The following UGT1A10 variants were observed in gnomAD, a reference collection of about 807,000 sequenced individuals.
The protein encoded by UGT1A10 is UDP glucuronosyltransferase family 1 member A10.
In UGT1A10, 49 loss-of-function variants were observed where a neutral mutation model predicts 45.8. The observed-to-expected ratio is 1.07, with a 90% CI of 0.85 to 1.36. The LOEUF is 1.36. Among genes scored for constraint, UGT1A10 ranks in the 40% most tolerant of loss-of-function variants. The pLI is 0.00. For missense variants in UGT1A10, 745 were observed against 668.6 expected (o/e 1.11, Z -1.26); for synonymous variants, 284 against 249.7 (o/e 1.14, Z -1.29).
chr2:233,704,415 CA>C lies in UGT1A10; in HGVS notation c.856-62617del, dbSNP rs1201180992. On this transcript the variant is annotated intron_variant, in intron 1 of 4. Transcript: ENST00000344644. Reference sequence around the variant, plus strand: ...ACCAGTATCTACTTCAGATTTATACCAACTTAATTCCAGTTAAATATTGAAA... The same window carrying C: ...ACCAGTATCTACTTCAGATTTATACCACTTAATTCCAGTTAAATATTGAAA... Among the ~76,000 whole-genome samples the C allele has an allele frequency of 2.0e-5, 3 of 152,056 alleles. No homozygotes were observed. The East Asian group carries it at 5.8e-4, about 29-fold the overall frequency.
In UGT1A10 at chr2:233,637,237, G is replaced by A. The variant is rs896109680; in HGVS notation, c.715G>A (p.Val239Ile). 3 of 1,613,778 alleles carry A rather than the reference G, an allele frequency of 1.9e-6. No individual in the cohort carries two copies. Among genetic ancestry groups the A allele is most frequent in the Non-Finnish European group, 2.5e-6 (3 of 1,179,872 alleles). The change falls in exon 1 of 5, where the codon GTC (valine) becomes ATC (isoleucine). Residue 239 changes from valine to isoleucine, a missense_variant. Physicochemically the swap from Val to Ile is conservative, Grantham distance 29 (BLOSUM62 3). Coordinates refer to ENST00000344644, the MANE Select transcript of UGT1A10 (RefSeq NM_019075.4). ...EIASEILQTP[V>I]TAYDLYSHTS... Reference sequence around the variant, plus strand: ...AGCCTCTGAAATTCTCCAAACCCCTGTCACGGCATATGATCTCTACAGTCA... The same window carrying A: ...AGCCTCTGAAATTCTCCAAACCCCTATCACGGCATATGATCTCTACAGTCA...
intron 1 of UGT1A10, among the ~76,000 whole-genome samples, chr2:233,637,825 T>C (rs1306318570): frequency 1.3e-5 from 2 of 152,186 alleles, no homozygotes; most frequent in Admixed American, 1.3e-4. Flanking sequence ...GCTGAACATA[T>C]TCTTCTTTAT....
At position 233,647,941 on chromosome 2, in the gene UGT1A10, A is replaced by G. The variant is rs979913567; in HGVS notation, c.855+10564A>G. 1.9e-5 allele frequency: 30 copies of G among 1,605,446 alleles called. No homozygotes were observed. The African/African-American group carries it at 3.5e-4, about 19-fold the overall frequency. On this transcript the variant is annotated intron_variant, in intron 1 of 4. Transcript: ENST00000344644. ...AGATCACTCACTGCCCATGGATGGG[A>G]GCCACTGGTTCACCATGTGGTCGGT... is the stretch of plus-strand genomic sequence containing the variant.
At chr2:233,731,107 A>G (rs1222432137) in intron 1 of UGT1A10, among the ~76,000 whole-genome samples, 2 of 151,962 alleles carry the variant, frequency 1.3e-5, no homozygotes, top group Admixed American at 6.6e-5. Flanking sequence ...CTTTTTTATA[A>G]ATGTAGGTAT....
chr2:233,683,335 T>C (rs775129300), intron 1 of UGT1A10, among the ~76,000 whole-genome samples: 3 of 152,166 alleles, frequency 2.0e-5, no homozygotes, highest in Non-Finnish European at 2.9e-5. Flanking sequence ...TTTTAATAAT[T>C]GCATGGTAGT....
intron 1 of UGT1A10, among the ~76,000 whole-genome samples, chr2:233,676,331 A>G (rs1352144662): frequency 6.6e-6 from 1 of 152,202 alleles, no homozygotes; most frequent in Non-Finnish European, 1.5e-5. Flanking sequence ...TTTTCTTACA[A>G]ATACTTCATT....
chr2:233,739,008 T>C (rs1430369611), intron 1 of UGT1A10: 2 of 152,268 alleles, frequency 1.3e-5, no homozygotes, highest in Admixed American at 6.5e-5. Context: ...TGTGTCCCAG[T>C]GGCTCCAGCC....
chr2:233,734,069 C>T (rs2078473996), intron 1 of UGT1A10, among the ~76,000 whole-genome samples: 1 of 152,054 alleles, frequency 6.6e-6, no homozygotes, highest in South Asian at 2.1e-4. Context: ...AACAAACCTG[C>T]ACATTGTGCA....
rs777889736 is a variant in UGT1A10, at chr2:233,719,093, C to T, written c.856-47941C>T. On this transcript the variant is annotated intron_variant, in intron 1 of 4. Transcript: ENST00000344644. ...CATGGACCCAGAAGGAATTTGATCGCGTTACGCTGGGCTACACTCAAGGGT... is the reference window on the plus strand; with the variant it reads ...CATGGACCCAGAAGGAATTTGATCGTGTTACGCTGGGCTACACTCAAGGGT... 15 of 1,614,122 alleles carry T rather than the reference C, an allele frequency of 9.3e-6. No homozygotes were observed. The Admixed American group carries it at 1.0e-4, about 11-fold the overall frequency.
intron 4 of UGT1A10, 43 bp from the exon 5 acceptor site, chr2:233,772,219 A>G (rs1474444531): frequency 6.2e-7 from 1 of 1,612,704 alleles, no homozygotes; most frequent in East Asian, 2.2e-5. Context: ...GATTGTTCAT[A>G]CCACAGGTGT....
intron 1 of UGT1A10, among the ~76,000 whole-genome samples, chr2:233,677,758 A>G (rs2074398846): frequency 6.6e-6 from 1 of 152,146 alleles, no homozygotes; most frequent in South Asian, 2.1e-4. Flanking sequence ...CCCCTGTGGG[A>G]AGTAGTTTGG....
chr2:233,656,326 A>G (rs547285897), intron 1 of UGT1A10, among the ~76,000 whole-genome samples: 119 of 152,372 alleles, frequency 7.8e-4, no homozygotes, highest in African/African-American at 2.8e-3. Flanking sequence ...CCAGTCTGTG[A>G]TCACCAGTCA....
intron 1 of UGT1A10, chr2:233,672,492 T>C: frequency 6.2e-7 from 1 of 1,613,986 alleles, no homozygotes; most frequent in South Asian, 1.1e-5. Flanking sequence ...GCCCTGCTCC[T>C]CTTTCCTATG....
At chr2:233,746,132 G>A (rs998349575) in intron 1 of UGT1A10, among the ~76,000 whole-genome samples, 1 of 151,792 alleles carries the variant, frequency 6.6e-6, no homozygotes, top group African/African-American at 2.4e-5. Flanking sequence ...CTGTGGACTG[G>A]CACCTGAGTG....
chr2:233,735,127 C>T (rs965773877), intron 1 of UGT1A10, among the ~76,000 whole-genome samples: 26 of 152,130 alleles, frequency 1.7e-4, no homozygotes, highest in Non-Finnish European at 2.9e-5. Flanking sequence ...TAAAGTCTCT[C>T]ATTATTATTG....
chr2:233,685,495 G>T (rs997076638), intron 1 of UGT1A10, among the ~76,000 whole-genome samples: 4 of 152,164 alleles, frequency 2.6e-5, no homozygotes, highest in African/African-American at 9.7e-5. Context: ...CTGGGATGTG[G>T]TTACAGCAAG....
intron 1 of UGT1A10, among the ~76,000 whole-genome samples, chr2:233,726,331 C>A (rs898548496): frequency 2.0e-5 from 3 of 152,168 alleles, no homozygotes; most frequent in Non-Finnish European, 4.4e-5. Flanking sequence ...GTTTCAGCAC[C>A]TGTGGTTTTT....
chr2:233,718,037 G>C (rs1268815456), intron 1 of UGT1A10: 1 of 377,926 alleles, frequency 2.6e-6, no homozygotes, highest in Non-Finnish European at 5.2e-6. Context: ...CCTTTGGTGA[G>C]CAGGAGCTCC....
At chr2:233,708,181 C>T (rs980822375) in intron 1 of UGT1A10, among the ~76,000 whole-genome samples, 3 of 152,162 alleles carry the variant, frequency 2.0e-5, no homozygotes, top group East Asian at 1.9e-4. Context: ...CTTACTGTGT[C>T]GTGCACATTT....
Sources: allele counts gnomAD v4.1 joint callset (sites outside exome capture counted in the v4.1 genomes callset), GRCh38; gene constraint gnomAD v4.1.1; transcripts MANE v1.5; gene names NCBI Gene and HGNC (gene_info 2026-07-23, HGNC 2026-07-21).